The following SH3D19 variants were observed in gnomAD, a reference collection of about 807,000 sequenced individuals.
SH3D19 encodes the protein SH3 domain containing 19.
A neutral mutation model predicts 112.1 loss-of-function variants in SH3D19; 58 were observed. That is an observed-to-expected ratio of 0.52 (90% CI 0.42 to 0.64). The LOEUF (loss-of-function observed/expected upper bound fraction) is 0.64, where lower values mean the gene tolerates loss of function less well. Ranked by LOEUF, SH3D19 falls within the 30% of genes least tolerant of loss-of-function variation. The pLI is 0.00. For synonymous variants in SH3D19, 391 were observed against 448.5 expected, an observed-to-expected ratio of 0.87 and a Z score of 1.62; for missense variants, 1,090 against 1,263.4, an observed-to-expected ratio of 0.86 and a Z score of 2.08.
intron 1 of SH3D19, among the ~76,000 whole-genome samples, chr4:151,304,581 T>A (rs1185329331): frequency 6.6e-6 from 1 of 152,228 alleles, no homozygotes; most frequent in Non-Finnish European, 1.5e-5. Flanking sequence ...AGTGGCTAGC[T>A]AGAGGGCACT....
chr4:151,269,081 T>C (rs1773036886), intron 1 of SH3D19, among the ~76,000 whole-genome samples: 1 of 152,210 alleles, frequency 6.6e-6, no homozygotes, highest in South Asian at 2.1e-4. Context: ...TTCCTATTTC[T>C]CCACATCCTC....
intron 8 of SH3D19, among the ~76,000 whole-genome samples, chr4:151,160,362 C>T (rs1756942447): frequency 1.3e-5 from 2 of 152,254 alleles, no homozygotes; most frequent in African/African-American, 4.8e-5. Flanking sequence ...GCTGGGATTA[C>T]AGGCGTAAGC....
At chr4:151,152,456 C>T (rs1755216405) in intron 9 of SH3D19, among the ~76,000 whole-genome samples, 1 of 151,630 alleles carries the variant, frequency 6.6e-6, no homozygotes. Context: ...TGTTCATCTG[C>T]ACTGGAATAA....
At chr4:151,273,589 C>CAAAAAAAAAA (rs60600816) in intron 1 of SH3D19, among the ~76,000 whole-genome samples, 235 of 64,564 alleles carry the variant, frequency 3.6e-3, no homozygotes, top group East Asian at 0.013. Flanking sequence ...GACTCCATCT[C>CAAAAAAAAAA]AAAAAAAAAA....
intron 1 of SH3D19, among the ~76,000 whole-genome samples, chr4:151,232,477 C>T (rs1412805698): frequency 1.3e-5 from 2 of 152,190 alleles, no homozygotes; most frequent in South Asian, 2.1e-4. Flanking sequence ...CCACAAATGT[C>T]AGCTGCCGTC....
chr4:151,248,057 A>ATTCT (rs762733894), intron 1 of SH3D19, among the ~76,000 whole-genome samples: 5 of 152,158 alleles, frequency 3.3e-5, no homozygotes, highest in Admixed American at 6.5e-5. Context: ...CATTGCTGTT[A>ATTCT]TTCTTTACTT....
chr4:151,136,606 T>G (rs1751908349), intron 14 of SH3D19, among the ~76,000 whole-genome samples: 1 of 152,256 alleles, frequency 6.6e-6, no homozygotes. Flanking sequence ...TTTGAAGTTT[T>G]AAAACAATTT....
In SH3D19 at chr4:151,159,222, T is replaced by A. The variant is rs774223081; in HGVS notation, c.1755+18A>T. ...TAGCTACGTCTTCAATCTAGTACAA[T>A]CTATAATGACCACTTACCAAGTTTC... On this transcript the variant is annotated intron_variant, in intron 9 of 19. Coordinates refer to ENST00000604030, the MANE Select transcript of SH3D19 (RefSeq NM_001378122.1). The A allele has an allele frequency of 3.9e-5, 53 of 1,366,528 alleles. No homozygotes were observed. In the East Asian group the frequency reaches 1.3e-3, roughly 35 times the overall value. 84.7% of individuals were successfully genotyped at this position (1,366,528 alleles called of 1,614,324 possible).
At position 151,175,052 on chromosome 4, in the gene SH3D19, T is replaced by C. The variant is rs781700512; in HGVS notation, c.1152A>G (p.Pro384=). The C allele has an allele frequency of 2.5e-6, 4 of 1,614,074 alleles. No homozygotes were observed. In the South Asian group the frequency reaches 3.3e-5, roughly 13 times the overall value. Residue 384 remains proline (P), a synonymous_variant, in exon 7 of 20, where the codon CCA becomes CCG. Coordinates refer to ENST00000604030, the MANE Select transcript of SH3D19 (RefSeq NM_001378122.1). ...GSIPVTKPEL[P]KKPNPGLIRS... The stretch of plus-strand genomic sequence containing the variant: ...GTATAAGGCCAGGGTTTGGTTTCTT[T>C]GGCAATTCAGGTTTGGTTACTGGGA...
chr4:151,294,047 C>T (rs1449800377), intron 1 of SH3D19, among the ~76,000 whole-genome samples: 1 of 152,202 alleles, frequency 6.6e-6, no homozygotes, highest in Non-Finnish European at 1.5e-5. Flanking sequence ...ATGAAGCCCT[C>T]CTTTATAGAA....
At chr4:151,153,241 G>A (rs1381857308) in intron 9 of SH3D19, among the ~76,000 whole-genome samples, 2 of 151,852 alleles carry the variant, frequency 1.3e-5, no homozygotes, top group Non-Finnish European at 2.9e-5. Context: ...CCAAGAATTA[G>A]CACTACTTCT....
chr4:151,138,603 G>A (rs1488217577), intron 13 of SH3D19, among the ~76,000 whole-genome samples: 3 of 151,310 alleles, frequency 2.0e-5, no homozygotes, highest in Non-Finnish European at 2.9e-5. Context: ...GCTGAGGGAG[G>A]AGGATCACTT....
intron 1 of SH3D19, among the ~76,000 whole-genome samples, chr4:151,307,330 T>C (rs1490956725): frequency 6.6e-6 from 1 of 152,220 alleles, no homozygotes; most frequent in African/African-American, 2.4e-5. Context: ...CCCCTAATGA[T>C]GACTTCTATC....
At chr4:151,152,373 G>A (rs1755198227) in intron 9 of SH3D19, among the ~76,000 whole-genome samples, 1 of 152,138 alleles carries the variant, frequency 6.6e-6, no homozygotes, top group African/African-American at 2.4e-5. Flanking sequence ...CTTTTAATGT[G>A]TTTGGACAAG....
chr4:151,172,121 C>CT (rs1759164271), intron 7 of SH3D19, among the ~76,000 whole-genome samples: 1 of 152,128 alleles, frequency 6.6e-6, no homozygotes, highest in African/African-American at 2.4e-5. Context: ...AGTTTCTCTT[C>CT]TTTCTCCTGT....
chr4:151,288,708 T>G (rs912735329), intron 1 of SH3D19, among the ~76,000 whole-genome samples: 1 of 152,118 alleles, frequency 6.6e-6, no homozygotes, highest in Non-Finnish European at 1.5e-5. Context: ...GCAACTGTAT[T>G]TCCATGCAGT....
At chr4:151,134,255 CAT>C (rs1258223877) in intron 15 of SH3D19, among the ~76,000 whole-genome samples, 74 of 152,310 alleles carry the variant, frequency 4.9e-4, no homozygotes, top group African/African-American at 1.8e-3. Context: ...CTGACCTATT[CAT>C]AGACAGGTTT....
At chr4:151,303,763 T>G (rs779005569) in intron 1 of SH3D19, among the ~76,000 whole-genome samples, 1 of 152,128 alleles carries the variant, frequency 6.6e-6, no homozygotes, top group Admixed American at 6.6e-5. Flanking sequence ...TGGGGTGGTA[T>G]ATGGCCTAGA....
At chr4:151,171,031 C>T (rs962723436) in intron 7 of SH3D19, among the ~76,000 whole-genome samples, 6 of 152,128 alleles carry the variant, frequency 3.9e-5, no homozygotes, top group African/African-American at 1.4e-4. Flanking sequence ...GTCTCCCTCC[C>T]TTTTAATTAT....
Sources: gnomAD v4.1 joint callset for allele counts (sites outside exome capture counted in the v4.1 genomes callset) on GRCh38, gnomAD v4.1.1 for gene constraint, MANE v1.5 for transcripts, NCBI Gene and HGNC (gene_info 2026-07-23, HGNC 2026-07-21) for gene names.